Variants in NPAS3 observed in about 807,000 individuals in gnomAD.
NPAS3 encodes the protein neuronal PAS domain protein 3.
In NPAS3, 14 loss-of-function variants were observed where a neutral mutation model predicts 73.1. That is an observed-to-expected ratio of 0.19 (90% CI 0.13 to 0.30). The LOEUF (loss-of-function observed/expected upper bound fraction) is 0.30, where lower values mean the gene tolerates loss of function less well. NPAS3 is among the 10% of genes least tolerant of loss of function. The probability of loss-of-function intolerance (pLI) is 1.00; values close to 1 mark genes in which losing one functional copy is unlikely to be tolerated. For synonymous variants in NPAS3, 620 were observed against 541.5 expected, an observed-to-expected ratio of 1.14 and a Z score of -2.01; for missense variants, 1,096 against 1,250.0, an observed-to-expected ratio of 0.88 and a Z score of 1.86.
At chr14:33,653,345 C>T (rs28709457) in intron 5 of NPAS3, among the ~76,000 whole-genome samples, 13,296 of 152,192 alleles carry the variant, frequency 0.087, 729 homozygotes, top group East Asian at 0.25. Flanking sequence ...CTTTAAAGTT[C>T]TGCATTCTGT....
At chr14:33,208,019 T>C (rs1566678006) in intron 2 of NPAS3, among the ~76,000 whole-genome samples, 3 of 152,112 alleles carry the variant, frequency 2.0e-5, no homozygotes, top group East Asian at 1.9e-4. Flanking sequence ...ATTTGGTAAA[T>C]AGAAATTTAA....
intron 10 of NPAS3, among the ~76,000 whole-genome samples, chr14:33,796,983 T>C (rs943345310): frequency 1.3e-5 from 2 of 151,902 alleles, no homozygotes; most frequent in African/African-American, 4.8e-5. Context: ...CACCAAAGGC[T>C]CTGCTGCCCC....
chr14:33,679,086 G>A (rs946683497), intron 6 of NPAS3, among the ~76,000 whole-genome samples: 1 of 152,120 alleles, frequency 6.6e-6, no homozygotes, highest in Non-Finnish European at 1.5e-5. Flanking sequence ...GCCTTCACCA[G>A]CCTTCCTTTA....
chr14:33,151,299 T>C (rs1439552748), intron 2 of NPAS3, among the ~76,000 whole-genome samples: 1 of 152,208 alleles, frequency 6.6e-6, no homozygotes, highest in Non-Finnish European at 1.5e-5. Flanking sequence ...GGAGAACTAC[T>C]GGAGGACAAA....
At chr14:33,380,861 C>T (rs888143913) in intron 4 of NPAS3, among the ~76,000 whole-genome samples, 1 of 152,100 alleles carries the variant, frequency 6.6e-6, no homozygotes, top group African/African-American at 2.4e-5. Context: ...ATGCAGGTGA[C>T]CCTTTAGGCC....
At chr14:33,051,051 G>T (rs941608798) in intron 1 of NPAS3, among the ~76,000 whole-genome samples, 1 of 151,338 alleles carries the variant, frequency 6.6e-6, no homozygotes, top group Non-Finnish European at 1.5e-5. Flanking sequence ...GAGGCGGGTG[G>T]ATCACGAGGT....
At chr14:33,386,581 TAGAGG>T in intron 4 of NPAS3, among the ~76,000 whole-genome samples, 1 of 152,126 alleles carries the variant, frequency 6.6e-6, no homozygotes, top group Non-Finnish European at 1.5e-5. Context: ...ACAAGTTAGG[TAGAGG>T]AGAAAAGAAA....
chr14:33,403,613 A>G (rs754136800), intron 4 of NPAS3, among the ~76,000 whole-genome samples: 2 of 152,132 alleles, frequency 1.3e-5, no homozygotes, highest in Non-Finnish European at 2.9e-5. Flanking sequence ...TCTTCTTTAA[A>G]TGATTCAGTA....
chr14:33,410,807 G>A (rs773225128), intron 4 of NPAS3, among the ~76,000 whole-genome samples: 4 of 151,998 alleles, frequency 2.6e-5, no homozygotes, highest in African/African-American at 7.2e-5. Flanking sequence ...CACCACACCC[G>A]GCTAATTTTT....
At chr14:33,421,151 G>A (rs1401313250) in intron 4 of NPAS3, among the ~76,000 whole-genome samples, 2 of 151,792 alleles carry the variant, frequency 1.3e-5, no homozygotes, top group African/African-American at 4.8e-5. Flanking sequence ...ATTTGTATGT[G>A]TATATAATCA....
chr14:33,785,931 G>A (rs1416245158), intron 9 of NPAS3, among the ~76,000 whole-genome samples: 1 of 152,154 alleles, frequency 6.6e-6, no homozygotes, highest in African/African-American at 2.4e-5. Context: ...AGTGCGGAAG[G>A]GGTCAGTCGA....
chr14:33,143,543 C>A (rs2044134940), intron 2 of NPAS3, among the ~76,000 whole-genome samples: 1 of 151,824 alleles, frequency 6.6e-6, no homozygotes, highest in Non-Finnish European at 1.5e-5. Context: ...TTTCATAAAA[C>A]CTATTATTGT....
intron 3 of NPAS3, among the ~76,000 whole-genome samples, chr14:33,257,698 T>C (rs1325548281): frequency 1.3e-5 from 2 of 152,184 alleles, no homozygotes; most frequent in African/African-American, 2.4e-5. Flanking sequence ...GTGACTCTTT[T>C]CCACAATTCA....
intron 3 of NPAS3, among the ~76,000 whole-genome samples, chr14:33,240,342 C>G (rs1290148185): frequency 1.3e-5 from 2 of 151,568 alleles, no homozygotes. Context: ...ATTCCTGGCT[C>G]CATTTTGGGT....
intron 5 of NPAS3, among the ~76,000 whole-genome samples, chr14:33,573,865 G>C (rs2056330496): frequency 6.6e-6 from 1 of 152,152 alleles, no homozygotes; most frequent in Non-Finnish European, 1.5e-5. Flanking sequence ...GAGGTGAAAG[G>C]TAATTACATT....
intron 4 of NPAS3, among the ~76,000 whole-genome samples, chr14:33,500,612 A>C (rs1171501441): frequency 1.8e-4 from 27 of 151,930 alleles, no homozygotes; most frequent in Admixed American, 1.8e-3. Context: ...ATTCACAGAA[A>C]TACTATGCAA....
intron 5 of NPAS3, among the ~76,000 whole-genome samples, chr14:33,617,039 A>T (rs1010051334): frequency 1.3e-5 from 2 of 152,242 alleles, no homozygotes; most frequent in Non-Finnish European, 2.9e-5. Flanking sequence ...CCAAAGGCTA[A>T]AAGATGAATC....
At chr14:33,638,101 G>A (rs1210122466) in intron 5 of NPAS3, among the ~76,000 whole-genome samples, 1 of 152,144 alleles carries the variant, frequency 6.6e-6, no homozygotes, top group African/African-American at 2.4e-5. Flanking sequence ...TTGGTGACAT[G>A]GTCTATCAAA....
intron 2 of NPAS3, among the ~76,000 whole-genome samples, chr14:33,161,790 A>T (rs2044898453): frequency 6.6e-6 from 1 of 152,228 alleles, no homozygotes; most frequent in Non-Finnish European, 1.5e-5. Context: ...TAAAATTATT[A>T]CAAATGTTCA....
Sources: gnomAD v4.1 joint callset for allele counts (sites outside exome capture counted in the v4.1 genomes callset) on GRCh38, gnomAD v4.1.1 for gene constraint, MANE v1.5 for transcripts, NCBI Gene and HGNC (gene_info 2026-07-23, HGNC 2026-07-21) for gene names.